Variants in RARS2 observed in about 807,000 individuals in gnomAD.
RARS2 encodes probable arginine--tRNA ligase, mitochondrial.
A neutral mutation model predicts 88.5 loss-of-function variants in RARS2; 67 were observed. The observed-to-expected ratio is 0.76, with a 90% confidence interval of 0.62 to 0.93. The LOEUF (loss-of-function observed/expected upper bound fraction) is 0.93, where lower values mean the gene tolerates loss of function less well. RARS2 is among the 40% of genes least tolerant of loss of function. The pLI is 0.00. For synonymous variants in RARS2, 239 were observed against 230.3 expected, an observed-to-expected ratio of 1.04 and a Z score of -0.34; for missense variants, 664 against 684.2, an observed-to-expected ratio of 0.97 and a Z score of 0.33.
At chr6:87,543,287 G>C (rs1385940972) in intron 7 of RARS2, among the ~76,000 whole-genome samples, 1 of 149,580 alleles carries the variant, frequency 6.7e-6, no homozygotes, top group Non-Finnish European at 1.5e-5. Context: ...TGGGCAACAA[G>C]AGCAAACTCT....
intron 1 of RARS2, among the ~76,000 whole-genome samples, chr6:87,581,628 CATGTGCAGG>C (rs71554736): frequency 0.072 from 10,928 of 152,180 alleles, 540 homozygotes; most frequent in African/African-American, 0.15. Flanking sequence ...TTCCGGGGTA[CATGTGCAGG>C]ATGTGCAGGT....
intron 1 of RARS2, among the ~76,000 whole-genome samples, chr6:87,576,569 C>G (rs192510768): frequency 1.3e-3 from 193 of 151,674 alleles, no homozygotes; most frequent in African/African-American, 3.9e-3. Flanking sequence ...AGCCACCGCG[C>G]CCGGCCAACA....
intron 12 of RARS2, 93 bp downstream of exon 12, chr6:87,521,370 GT>G: frequency 1.0e-6 from 1 of 962,662 alleles, no homozygotes; most frequent in Admixed American, 1.9e-5. Flanking sequence ...ACTTCTCTCT[GT>G]AGTTTTCCAT....
Position 87,553,211 on chromosome 6 carries a change from G to T in RARS2, c.395+2197C>A, listed in dbSNP as rs142328778. ...TGCTACCCTGCGGGAGAGACAATGT[G>T]GTGGGAGAGAGAGAGATGCCTGGCT... is the stretch of plus-strand genomic sequence containing the variant. On this transcript the variant is annotated intron_variant, in intron 5 of 19. Coordinates refer to ENST00000369536, the MANE Select transcript of RARS2 (RefSeq NM_020320.5). Among the ~76,000 whole-genome samples, 11 of 152,168 alleles carry T rather than the reference G, an allele frequency of 7.2e-5. No individual in the cohort carries two copies. In the South Asian group the frequency reaches 1.0e-3, roughly 14 times the overall value.
At chr6:87,540,189 C>T (rs1039135400) in intron 8 of RARS2, among the ~76,000 whole-genome samples, 2 of 151,888 alleles carry the variant, frequency 1.3e-5, no homozygotes, top group Admixed American at 6.6e-5. Flanking sequence ...GTGGCTAACA[C>T]CTGTAATCCC....
At chr6:87,529,108 C>T (rs900528770) in intron 10 of RARS2, among the ~76,000 whole-genome samples, 1 of 152,174 alleles carries the variant, frequency 6.6e-6, no homozygotes, top group Non-Finnish European at 1.5e-5. Context: ...CCTGCCCCTA[C>T]TTCCTGTTTT....
chr6:87,514,947 CAT>C lies in RARS2; in HGVS notation c.1650+8_1650+9del. 1 of 1,603,226 alleles carries C rather than the reference CAT, an allele frequency of 6.2e-7. No homozygotes were observed. The highest frequency in any genetic ancestry group is 8.5e-7 in the Non-Finnish European group (1 of 1,170,150). ...TAGGGATTATACAGAAAACATTCAA[CAT>C]AACGTACCCCAGCCACTTCAGGAGG... On this transcript the variant is annotated splice_region_variant and intron_variant, in intron 19 of 19. Coordinates refer to ENST00000369536, the MANE Select transcript of RARS2 (RefSeq NM_020320.5).
At chr6:87,572,832 T>C (rs1471902418) in intron 1 of RARS2, among the ~76,000 whole-genome samples, 1 of 152,150 alleles carries the variant, frequency 6.6e-6, no homozygotes, top group African/African-American at 2.4e-5. Context: ...CAGAAAACTC[T>C]AAGCTCAAGG....
At position 87,529,588 on chromosome 6, in the gene RARS2, CTT is replaced by C. The variant is rs1313558579; in HGVS notation, c.830_831del (p.Gln277ArgfsTer9). ...TTACTCTCCAGCAACTTTAAGACCTCTTGAGATTTTTCACGATAAAATGATTC... is the reference window on the plus strand; with the variant it reads ...TTACTCTCCAGCAACTTTAAGACCTCGAGATTTTTCACGATAAAATGATTC... The part of the protein sequence containing the change: ...SGESFYREKS[Q>X]EVLKLLESKG... On this transcript the variant is annotated frameshift_variant, in exon 10 of 20. Coordinates refer to ENST00000369536, the MANE Select transcript of RARS2 (RefSeq NM_020320.5). LOFTEE classifies it high-confidence loss of function. 6.2e-7 allele frequency: 1 copy of C among 1,609,578 alleles called. No homozygotes were observed. The highest frequency in any genetic ancestry group is 8.5e-7 in the Non-Finnish European group (1 of 1,175,876).
intron 9 of RARS2, among the ~76,000 whole-genome samples, chr6:87,530,360 C>T (rs541566087): frequency 6.6e-6 from 1 of 152,256 alleles, no homozygotes; most frequent in Admixed American, 6.5e-5. Context: ...CTTGCTTTAT[C>T]TTTAATTTGT....
At chr6:87,585,231 T>C (rs1283776379) in intron 1 of RARS2, among the ~76,000 whole-genome samples, 1 of 152,210 alleles carries the variant, frequency 6.6e-6, no homozygotes, top group African/African-American at 2.4e-5. Context: ...CAAATACACA[T>C]TAAACACTTA....
chr6:87,562,812 G>A (rs769125151), intron 3 of RARS2, 27 bp from the exon 4 acceptor site: 83 of 1,565,366 alleles, frequency 5.3e-5, no homozygotes, highest in Non-Finnish European at 5.7e-5. Context: ...ACACAAAGTA[G>A]GTATGTTATA....
At chr6:87,540,396 G>A (rs1653362937) in intron 8 of RARS2, among the ~76,000 whole-genome samples, 1 of 131,364 alleles carries the variant, frequency 7.6e-6, no homozygotes. Flanking sequence ...GTTGCAGTGA[G>A]CCAAGATCAC....
rs551756663 is a variant in RARS2, at chr6:87,518,665, T to G, written c.1380A>C (p.Gly460=). The change falls in exon 16 of 20, where the codon GGA becomes GGC. Residue 460 remains glycine (G), a synonymous_variant. Transcript: ENST00000369536. ...DRVFQSRGDT[G]VFLQYTHARL... ...GGGCGTGTGTGTACTGTAGGAAGAC[T>G]CCTGTGTCCCCGCGACTCTGGAAAA... The G allele has an allele frequency of 6.2e-7, 1 of 1,613,988 alleles. No individual in the cohort carries two copies. Among genetic ancestry groups the G allele is most frequent in the East Asian group, 2.2e-5 (1 of 44,868 alleles).
At chr6:87,548,408 T>A (rs1201377757) in intron 6 of RARS2, among the ~76,000 whole-genome samples, 183 bp downstream of exon 6, 1 of 152,246 alleles carries the variant, frequency 6.6e-6, no homozygotes, top group Admixed American at 6.5e-5. Context: ...TTGAAATCAA[T>A]TTTGTGTTTC....
intron 8 of RARS2, 89 bp downstream of exon 8, chr6:87,541,829 A>C (rs1173794235): frequency 9.5e-7 from 1 of 1,048,528 alleles, no homozygotes; most frequent in Non-Finnish European, 1.4e-6. Context: ...GTCTCAAAAT[A>C]AAGAAAAATA....
chr6:87,565,654 T>A (rs865893394), intron 2 of RARS2, among the ~76,000 whole-genome samples: 1 of 152,338 alleles, frequency 6.6e-6, no homozygotes. Context: ...TCATTCTCTA[T>A]GAATTTTTCT....
intron 18 of RARS2, 101 bp from the exon 19 acceptor site, chr6:87,515,121 C>G (rs1413656730): frequency 2.2e-6 from 2 of 930,212 alleles, no homozygotes; most frequent in Admixed American, 1.8e-5. Flanking sequence ...TAATAAAGCC[C>G]AGAACCATTA....
intron 3 of RARS2, among the ~76,000 whole-genome samples, 183 bp from the exon 4 acceptor site, chr6:87,562,968 CT>C (rs1221615690): frequency 3.9e-5 from 6 of 152,104 alleles, no homozygotes; most frequent in Admixed American, 1.3e-4. Flanking sequence ...AACACATTTT[CT>C]TTTTTTCCCA....
Sources: gnomAD v4.1 joint callset for allele counts (sites outside exome capture counted in the v4.1 genomes callset) on GRCh38, gnomAD v4.1.1 for gene constraint, MANE v1.5 for transcripts, NCBI Gene and HGNC (gene_info 2026-07-23, HGNC 2026-07-21) for gene names.